Variants in ANGPT1 observed in about 807,000 individuals in gnomAD.
The protein encoded by ANGPT1 is angiopoietin-1.
A neutral mutation model predicts 62.2 loss-of-function variants in ANGPT1; 17 were observed. That is an observed-to-expected ratio of 0.27 (90% CI 0.19 to 0.41). The LOEUF is 0.41. Ranked by LOEUF, ANGPT1 falls within the 10% of genes least tolerant of loss-of-function variation. The probability of loss-of-function intolerance (pLI) is 1.00; values close to 1 mark genes in which losing one functional copy is unlikely to be tolerated. For synonymous variants in ANGPT1, 199 were observed against 198.9 expected (o/e 1.00, Z 0.00); for missense variants, 478 against 594.9 (o/e 0.80, Z 2.04).
chr8:107,428,382 C>T lies in ANGPT1; in HGVS notation c.297+68880G>A, dbSNP rs1160956430. On this transcript the variant is annotated intron_variant, in intron 1 of 8. Coordinates refer to ENST00000517746, the MANE Select transcript of ANGPT1 (RefSeq NM_001146.5). ...ACCCTATGGGAGACAAGACTGACCCCCATGAGACTTTTTAATGCAACAATA... is the reference window on the plus strand; with the variant it reads ...ACCCTATGGGAGACAAGACTGACCCTCATGAGACTTTTTAATGCAACAATA... Among the ~76,000 whole-genome samples the T allele has an allele frequency of 1.6e-4, 24 of 152,070 alleles. 1 individual carries two copies. Among genetic ancestry groups the T allele is most frequent in the Non-Finnish European group, 5.9e-5 (4 of 68,026 alleles).
chr8:107,286,364 T>C (rs1586188821), intron 6 of ANGPT1, among the ~76,000 whole-genome samples: 1 of 152,290 alleles, frequency 6.6e-6, no homozygotes, highest in East Asian at 1.9e-4. Flanking sequence ...TTACGAATTG[T>C]TGGAACTCTA....
chr8:107,305,823 C>T (rs1162434892), intron 4 of ANGPT1, among the ~76,000 whole-genome samples: 2 of 151,974 alleles, frequency 1.3e-5, no homozygotes, highest in South Asian at 2.1e-4. Context: ...TAATTACTTA[C>T]CAACTAGCAA....
chr8:107,357,988 T>C, intron 1 of ANGPT1, among the ~76,000 whole-genome samples: 1 of 152,206 alleles, frequency 6.6e-6, no homozygotes. Context: ...AGTTGCTTTG[T>C]TGGTTGTCTT....
At chr8:107,282,553 CATATATATATATATATATATATATATAT>C (rs753412026) in intron 7 of ANGPT1, among the ~76,000 whole-genome samples, 1,923 of 51,098 alleles carry the variant, frequency 0.038, 110 homozygotes, top group Admixed American at 0.098. Context: ...ATATATGAAC[CATATATATATATATATATATATATATAT>C]ATATATATAT....
intron 5 of ANGPT1, among the ~76,000 whole-genome samples, chr8:107,296,551 TA>T (rs1814421729): frequency 6.6e-6 from 1 of 152,026 alleles, no homozygotes; most frequent in Non-Finnish European, 1.5e-5. Context: ...CCTGTGGGAA[TA>T]AAATCAGATG....
At chr8:107,394,539 G>C (rs1031633985) in intron 1 of ANGPT1, among the ~76,000 whole-genome samples, 2 of 152,112 alleles carry the variant, frequency 1.3e-5, no homozygotes, top group African/African-American at 4.8e-5. Context: ...AAGGAGCTGG[G>C]GGGAGGGAAG....
chr8:107,293,467 T>C (rs1344721627), intron 6 of ANGPT1, among the ~76,000 whole-genome samples: 1 of 152,150 alleles, frequency 6.6e-6, no homozygotes, highest in African/African-American at 2.4e-5. Context: ...TAACCCTGGA[T>C]CACTTTACTG....
rs554980091 is a variant in ANGPT1, at chr8:107,380,659, T to C, written c.298-33562A>G. ...TTCAACCAATAGCATGCCAATACTT[T>C]CTCATTTTATCAAAACTGGAAATGT... On this transcript the variant is annotated intron_variant, in intron 1 of 8. Transcript: ENST00000517746. 1.5e-3 allele frequency among the ~76,000 whole-genome samples: 230 copies of C among 152,300 alleles called. 1 individual carries two copies. Among genetic ancestry groups the C allele is most frequent in the Non-Finnish European group, 2.4e-3 (162 of 68,026 alleles).
intron 8 of ANGPT1, among the ~76,000 whole-genome samples, chr8:107,254,665 C>T (rs1365870822): frequency 1.3e-5 from 2 of 151,990 alleles, no homozygotes; most frequent in African/African-American, 2.4e-5. Flanking sequence ...CCTGCAAAGG[C>T]GATGAGGAAG....
intron 3 of ANGPT1, among the ~76,000 whole-genome samples, chr8:107,332,949 A>AT (rs1327511972): frequency 1.3e-5 from 2 of 152,128 alleles, no homozygotes; most frequent in Admixed American, 6.5e-5. Context: ...TCGATAAACT[A>AT]TTTTTTTAAA....
intron 1 of ANGPT1, among the ~76,000 whole-genome samples, chr8:107,488,387 C>T (rs1334375296): frequency 2.0e-5 from 3 of 152,060 alleles, no homozygotes; most frequent in Non-Finnish European, 4.4e-5. Context: ...GGATGCCCTG[C>T]GGAATGCTCT....
chr8:107,356,121 A>G (rs1429661578), intron 1 of ANGPT1, among the ~76,000 whole-genome samples: 1 of 152,238 alleles, frequency 6.6e-6, no homozygotes, highest in Non-Finnish European at 1.5e-5. Context: ...TTTGAATGGC[A>G]AAGGAACCAG....
chr8:107,303,132 C>T (rs1586204361), intron 5 of ANGPT1, 108 bp downstream of exon 5: 2 of 1,313,456 alleles, frequency 1.5e-6, no homozygotes, highest in Non-Finnish European at 2.1e-6. Flanking sequence ...AAAGTTCAGG[C>T]ATCTCTATAT....
At chr8:107,338,702 G>T (rs1178334332) in intron 2 of ANGPT1, among the ~76,000 whole-genome samples, 1 of 152,086 alleles carries the variant, frequency 6.6e-6, no homozygotes, top group Non-Finnish European at 1.5e-5. Flanking sequence ...AGCTCAGTGG[G>T]GATAAATGGT....
chr8:107,396,798 T>C (rs1395381333), intron 1 of ANGPT1, among the ~76,000 whole-genome samples: 12 of 152,080 alleles, frequency 7.9e-5, no homozygotes, highest in Admixed American at 7.9e-4. Flanking sequence ...GCTAGGATTA[T>C]AGGTGTGAGC....
chr8:107,435,352 A>G (rs1209917507), intron 1 of ANGPT1, among the ~76,000 whole-genome samples: 1 of 152,252 alleles, frequency 6.6e-6, no homozygotes, highest in Admixed American at 6.5e-5. Flanking sequence ...GCAGTCATTT[A>G]TCTAATAACA....
chr8:107,422,565 G>C (rs1003428846), intron 1 of ANGPT1, among the ~76,000 whole-genome samples: 1 of 152,104 alleles, frequency 6.6e-6, no homozygotes, highest in Non-Finnish European at 1.5e-5. Flanking sequence ...ATCTTGGTTC[G>C]TGGCTCCAGA....
At chr8:107,378,312 A>C (rs756257826) in intron 1 of ANGPT1, among the ~76,000 whole-genome samples, 1 of 152,182 alleles carries the variant, frequency 6.6e-6, no homozygotes, top group African/African-American at 2.4e-5. Flanking sequence ...TTCAAAAAAG[A>C]AGCAAGTAGT....
intron 6 of ANGPT1, among the ~76,000 whole-genome samples, chr8:107,285,938 G>C (rs1814130281): frequency 6.6e-6 from 1 of 152,084 alleles, no homozygotes; most frequent in African/African-American, 2.4e-5. Context: ...CAATAGGGTT[G>C]TTTTGAAATT....
Sources: gnomAD v4.1 joint callset for allele counts (sites outside exome capture counted in the v4.1 genomes callset) on GRCh38, gnomAD v4.1.1 for gene constraint, MANE v1.5 for transcripts, NCBI Gene and HGNC (gene_info 2026-07-23, HGNC 2026-07-21) for gene names.